SRSF7: variants seen among roughly 807,000 people sequenced by gnomAD.
SRSF7 encodes serine/arginine-rich splicing factor 7.
SRSF7 carries 15 observed loss-of-function variants against 42.2 expected under a neutral mutation model. The ratio of observed to expected loss-of-function variants is 0.36; its 90% CI spans 0.24 to 0.55. SRSF7 has a LOEUF of 0.55. Among genes scored for constraint, SRSF7 ranks in the 20% least tolerant of loss-of-function variants. The pLI is 0.88. For synonymous variants in SRSF7, 138 were observed against 107.9 expected, an observed-to-expected ratio of 1.28 and a Z score of -1.73; for missense variants, 181 against 305.9, an observed-to-expected ratio of 0.59 and a Z score of 3.04.
Position 38,751,328 on chromosome 2 carries a change from C to G in SRSF7, c.-72G>C. On this transcript the variant is annotated 5_prime_UTR_variant, in exon 1 of 8. Transcript: ENST00000313117. ...CTCGAGTGACGCAAAAGCTGACACA[C>G]ACCTTCACCCGCCAAGAGTCCCGGC... The G allele has an allele frequency of 1.3e-5, 21 of 1,603,116 alleles. No homozygotes were observed. Among genetic ancestry groups the G allele is most frequent in the Non-Finnish European group, 1.6e-5 (19 of 1,172,548 alleles).
Position 38,745,080 on chromosome 2 carries a change from C to T in SRSF7, c.*53G>A. The T allele has an allele frequency of 6.3e-7, 1 of 1,578,370 alleles. No homozygotes were observed. Among genetic ancestry groups the T allele is most frequent in the South Asian group, 1.1e-5 (1 of 89,902 alleles). ...TACACTTTACAGACATCACAAATCC[C>T]TTATAATAATGTAAACAAAATAACT... is the stretch of plus-strand genomic sequence containing the variant. On this transcript the variant is annotated 3_prime_UTR_variant, in exon 8 of 8. Coordinates refer to ENST00000313117, the MANE Select transcript of SRSF7 (RefSeq NM_001031684.3).
chr2:38,749,282 C>T, intron 3 of SRSF7: 1 of 1,459,524 alleles, frequency 6.9e-7, no homozygotes, highest in Non-Finnish European at 9.2e-7. Flanking sequence ...TTGCAAGGCG[C>T]CTCAGCATGA....
Position 38,749,527 on chromosome 2 carries a change from A to T in SRSF7, c.386+2T>A. 1 of 1,561,512 alleles carries T rather than the reference A, an allele frequency of 6.4e-7. No homozygotes were observed. The highest frequency in any genetic ancestry group is 8.6e-7 in the Non-Finnish European group (1 of 1,156,794). ...CAACCATTCCTTTATTAAAATAAAT[A>T]CCTGCTTCTTCTTCGCCGGCTGTAA... On this transcript the variant is annotated splice_donor_variant, in intron 3 of 7. Transcript: ENST00000313117. LOFTEE classifies it high-confidence loss of function.
At chr2:38,750,328 CTT>C in intron 1 of SRSF7, 134 bp from the exon 2 acceptor site, 1 of 715,706 alleles carries the variant, frequency 1.4e-6, no homozygotes, top group Non-Finnish European at 2.2e-6. Flanking sequence ...CAAGACAAAA[CTT>C]AGTCGTAAAA....
rs527288747 is a variant in SRSF7, at chr2:38,751,095, G to C, written c.28+134C>G. On this transcript the variant is annotated intron_variant, in intron 1 of 7. Transcript: ENST00000313117. ...CAGCACCCCGCCTCCGCTGCCTCCG[G>C]CTTCGTCTGGCGTGCTCCTAAGCCG... 14 of 1,199,090 alleles carry C rather than the reference G, an allele frequency of 1.2e-5. No individual in the cohort carries two copies. In the Admixed American group the frequency reaches 2.5e-4, roughly 21 times the overall value. The allele number at this position is 1,199,090 out of a possible 1,614,324, so 74.3% of individuals were successfully genotyped here.
Position 38,746,001 on chromosome 2 carries a change from G to GAAT in SRSF7, c.662+142_662+143insATT, listed in dbSNP as rs376709677. The GAAT allele has an allele frequency of 3.1e-4, 217 of 699,922 alleles. 1 individual carries two copies. The African/African-American group carries it at 3.4e-3, about 11-fold the overall frequency. The allele number at this position is 699,922 out of a possible 1,614,324, so 43.4% of individuals were successfully genotyped here. On this transcript the variant is annotated intron_variant, in intron 7 of 7. Transcript: ENST00000313117. The stretch of plus-strand genomic sequence containing the variant: ...AATGTTACTGAATCAAAAAAAAAAA[G>GAAT]TATTTCAGAAACTTAGCATAGTATT...
At chr2:38,750,268 A>C in intron 1 of SRSF7, 74 bp from the exon 2 acceptor site, 2 of 1,382,234 alleles carry the variant, frequency 1.4e-6, no homozygotes, top group South Asian at 1.4e-5. Flanking sequence ...TATTTGCCTT[A>C]AAACGGGCCA....
At chr2:38,750,962 C>G in intron 1 of SRSF7, 1 of 414,288 alleles carries the variant, frequency 2.4e-6, no homozygotes, top group Non-Finnish European at 4.5e-6. Flanking sequence ...CCGAGAAAGG[C>G]AACGCGAAAA....
At chr2:38,747,768 A>G (rs1161243913) in intron 5 of SRSF7, among the ~76,000 whole-genome samples, 1 of 152,198 alleles carries the variant, frequency 6.6e-6, no homozygotes, top group African/African-American at 2.4e-5. Flanking sequence ...CTGAAGCCAG[A>G]AAAGTTTATA....
intron 5 of SRSF7, 25 bp downstream of exon 5, chr2:38,748,022 A>G (rs1490395886): frequency 6.5e-7 from 1 of 1,549,338 alleles, no homozygotes; most frequent in South Asian, 1.1e-5. Context: ...TCCAAACACA[A>G]GTAAGGAAAA....
intron 7 of SRSF7, 100 bp from the exon 8 acceptor site, chr2:38,745,287 T>A: frequency 8.5e-7 from 1 of 1,181,012 alleles, no homozygotes; most frequent in Non-Finnish European, 1.2e-6. Flanking sequence ...CCTAAGGTAC[T>A]AATTTCCTAT....
At position 38,751,285 on chromosome 2, in the gene SRSF7, A is replaced by C; in HGVS notation, c.-29T>G. The C allele has an allele frequency of 1.9e-6, 3 of 1,613,804 alleles. No homozygotes were observed. Among genetic ancestry groups the C allele is most frequent in the South Asian group, 1.1e-5 (1 of 91,092 alleles). Reference sequence around the variant, plus strand: ...GACAGACCCGCGTGCTCGGCTCTTTAGCAAGCAGCGCCCAGGGCTCGAGTG... The same window carrying C: ...GACAGACCCGCGTGCTCGGCTCTTTCGCAAGCAGCGCCCAGGGCTCGAGTG... On this transcript the variant is annotated 5_prime_UTR_variant, in exon 1 of 8. Transcript: ENST00000313117.
chr2:38,743,913 T>G lies in SRSF7; in HGVS notation c.*1220A>C. ...CAACCAGCAGGTTTTTTTTTTTTTG[T>G]ACCAAGGCTAGAGAATGCCTGGTAA... On this transcript the variant is annotated 3_prime_UTR_variant, in exon 8 of 8. Coordinates refer to ENST00000313117, the MANE Select transcript of SRSF7 (RefSeq NM_001031684.3). The G allele has an allele frequency of 6.7e-6, 1 of 148,714 alleles. No individual in the cohort carries two copies. The highest frequency in any genetic ancestry group is 1.5e-5 in the Non-Finnish European group (1 of 67,194). 9.2% of individuals were successfully genotyped at this position (148,714 alleles called of 1,614,324 possible). A position where few individuals can be genotyped will look rare whatever the true frequency, so the allele number is the denominator to read the frequency against.
Position 38,748,028 on chromosome 2 carries a change from G to T in SRSF7, c.572+19C>A, listed in dbSNP as rs1292993465. ...TGTGAACAATCCAAACACAAGTAAG[G>T]AAAAAAAGTGTTACATACTGGAAAT... On this transcript the variant is annotated intron_variant, in intron 5 of 7. Coordinates refer to ENST00000313117, the MANE Select transcript of SRSF7 (RefSeq NM_001031684.3). 6.3e-7 allele frequency: 1 copy of T among 1,578,208 alleles called. No homozygotes were observed. The highest frequency in any genetic ancestry group is 1.7e-5 in the Admixed American group (1 of 59,632).
chr2:38,751,042 G>A, intron 1 of SRSF7, 187 bp downstream of exon 1: 1 of 693,324 alleles, frequency 1.4e-6, no homozygotes, highest in South Asian at 1.7e-5. Context: ...ACTCGGCAGA[G>A]ATGTACACCC....
intron 3 of SRSF7, 188 bp from the exon 4 acceptor site, chr2:38,748,841 G>A: frequency 2.6e-4 from 337 of 1,321,266 alleles, no homozygotes; most frequent in Admixed American, 1.4e-3. Context: ...GTTAAAAGCT[G>A]AATTACAACT....
intron 3 of SRSF7, chr2:38,749,127 T>A: frequency 7.6e-7 from 1 of 1,316,904 alleles, no homozygotes. Context: ...GCCCCAATTG[T>A]AAGCCAAATT....
Position 38,749,065 on chromosome 2 carries a change from T to C in SRSF7, c.387-412A>G. On this transcript the variant is annotated intron_variant, in intron 3 of 7. Coordinates refer to ENST00000313117, the MANE Select transcript of SRSF7 (RefSeq NM_001031684.3). ...GGCTTGATTGACGCAAGAAGATTTT[T>C]CTAGTTGGGAATGTGGTCAATCTGG... The C allele has an allele frequency of 6.4e-5, 83 of 1,305,212 alleles. 1 individual carries two copies. Among genetic ancestry groups the C allele is most frequent in the African/African-American group, 4.5e-5 (3 of 66,114 alleles). 80.9% of individuals were successfully genotyped at this position (1,305,212 alleles called of 1,614,324 possible).
intron 6 of SRSF7, 87 bp from the exon 7 acceptor site, chr2:38,746,266 T>A: frequency 6.9e-7 from 1 of 1,445,252 alleles, no homozygotes; most frequent in South Asian, 1.2e-5. Flanking sequence ...CCCCCAAATG[T>A]CCTAAGCTTA....
Sources: allele counts gnomAD v4.1 joint callset (sites outside exome capture counted in the v4.1 genomes callset), GRCh38; gene constraint gnomAD v4.1.1; transcripts MANE v1.5; gene names NCBI Gene and HGNC (gene_info 2026-07-23, HGNC 2026-07-21).